ASPH: variants seen among roughly 807,000 people sequenced by gnomAD.
ASPH encodes the protein aspartyl/asparaginyl beta-hydroxylase.
A neutral mutation model predicts 118.4 loss-of-function variants in ASPH; 100 were observed. The ratio of observed to expected loss-of-function variants is 0.84; its 90% CI spans 0.72 to 1.00. The LOEUF (loss-of-function observed/expected upper bound fraction) is 1.00, where lower values mean the gene tolerates loss of function less well. ASPH is among the 50% of genes least tolerant of loss of function. ASPH has a pLI of 0.00. For missense variants in ASPH, 920 were observed against 919.5 expected, an observed-to-expected ratio of 1.00 and a Z score of -0.01; for synonymous variants, 315 against 325.6, an observed-to-expected ratio of 0.97 and a Z score of 0.35.
intron 1 of ASPH, chr8:61,689,719 G>C: frequency 1.3e-6 from 2 of 1,566,954 alleles, no homozygotes; most frequent in Non-Finnish European, 1.7e-6. Flanking sequence ...AATAATAAAT[G>C]CTAAAGTAAA....
At chr8:61,558,297 T>C (rs1437554957) in intron 18 of ASPH, among the ~76,000 whole-genome samples, 3 of 151,920 alleles carry the variant, frequency 2.0e-5, no homozygotes, top group African/African-American at 4.8e-5. Context: ...AAAGGAAGTG[T>C]GGGATGATGG....
At chr8:61,679,749 A>G (rs1827039162) in intron 3 of ASPH, among the ~76,000 whole-genome samples, 1 of 151,860 alleles carries the variant, frequency 6.6e-6, no homozygotes, top group African/African-American at 2.4e-5. Flanking sequence ...CATCATTCTG[A>G]TAAGTTCTAC....
intron 1 of ASPH, among the ~76,000 whole-genome samples, chr8:61,698,348 T>C (rs894939679): frequency 1.3e-5 from 2 of 152,248 alleles, no homozygotes; most frequent in African/African-American, 4.8e-5. Flanking sequence ...ACAGTCTGTT[T>C]ATTCATTTAG....
chr8:61,659,512 T>C (rs1302906292), intron 3 of ASPH: 3 of 152,208 alleles, frequency 2.0e-5, no homozygotes, highest in African/African-American at 7.2e-5. Flanking sequence ...TGAAATCAAA[T>C]GAGGCACTAA....
intron 16 of ASPH, among the ~76,000 whole-genome samples, chr8:61,571,697 A>C (rs145204391): frequency 2.9e-4 from 44 of 152,338 alleles, no homozygotes; most frequent in African/African-American, 9.9e-4. Context: ...TCATTTACTT[A>C]GACTTTGGTA....
At chr8:61,591,109 T>C (rs1444909698) in intron 14 of ASPH, among the ~76,000 whole-genome samples, 1 of 152,224 alleles carries the variant, frequency 6.6e-6, no homozygotes, top group Non-Finnish European at 1.5e-5. Context: ...CTGTGTTACT[T>C]ATAATTTACA....
At chr8:61,620,100 G>A (rs1850393950) in intron 13 of ASPH, among the ~76,000 whole-genome samples, 1 of 152,184 alleles carries the variant, frequency 6.6e-6, no homozygotes, top group Non-Finnish European at 1.5e-5. Flanking sequence ...TTAATGCAGG[G>A]AAGGGATTTT....
At chr8:61,577,045 A>G (rs1026848823) in intron 15 of ASPH, among the ~76,000 whole-genome samples, 187 bp from the exon 16 acceptor site, 2 of 152,174 alleles carry the variant, frequency 1.3e-5, no homozygotes, top group African/African-American at 4.8e-5. Flanking sequence ...TAATGAACAC[A>G]TATTTACTTC....
intron 17 of ASPH, among the ~76,000 whole-genome samples, chr8:61,565,019 G>A (rs1246238865): frequency 3.6e-4 from 55 of 152,330 alleles, no homozygotes; most frequent in Non-Finnish European, 5.9e-5. Flanking sequence ...CCTGGTTATC[G>A]TGAAGTTAGC....
intron 1 of ASPH, among the ~76,000 whole-genome samples, chr8:61,703,212 T>C (rs1835700159): frequency 6.6e-6 from 1 of 152,220 alleles, no homozygotes; most frequent in Non-Finnish European, 1.5e-5. Context: ...AAATACTAAA[T>C]ACTTTGCCAC....
chr8:61,670,807 A>G (rs1034115254), intron 3 of ASPH, among the ~76,000 whole-genome samples: 1 of 151,994 alleles, frequency 6.6e-6, no homozygotes, highest in African/African-American at 2.4e-5. Context: ...GCTCAAAAAA[A>G]TCCTGAGATA....
chr8:61,576,839 A>C lies in ASPH; in HGVS notation c.1082T>G (p.Val361Gly). ...GCGTACTAGTTCTTTAAATGCATTC[A>C]CTGCTTCCTCAATTTTTCCCTGTTA... ...LRKRGKIEEAVNAFKELVRKY... is the reference protein window; with the variant it reads ...LRKRGKIEEAGNAFKELVRKY... The change falls in exon 16 of 25, where the codon GTG becomes GGG. Residue 361 changes from valine to glycine, a missense_variant. Val to Gly is a moderately radical substitution (Grantham distance 109, BLOSUM62 -3). Coordinates refer to ENST00000379454, the MANE Select transcript of ASPH (RefSeq NM_004318.4). 1 of 1,607,694 alleles carries C rather than the reference A, an allele frequency of 6.2e-7. No homozygotes were observed. The highest frequency in any genetic ancestry group is 8.5e-7 in the Non-Finnish European group (1 of 1,176,522).
intron 21 of ASPH, among the ~76,000 whole-genome samples, chr8:61,531,871 T>A (rs1349767118): frequency 1.3e-5 from 2 of 152,214 alleles, no homozygotes; most frequent in Non-Finnish European, 2.9e-5. Context: ...TGGCAGGATA[T>A]CCTTCTTTTT....
At chr8:61,516,332 G>A (rs1450687882) in intron 24 of ASPH, among the ~76,000 whole-genome samples, 2 of 152,094 alleles carry the variant, frequency 1.3e-5, no homozygotes, top group African/African-American at 2.4e-5. Flanking sequence ...CTATGACCAC[G>A]GTGGCCTTCA....
intron 14 of ASPH, among the ~76,000 whole-genome samples, chr8:61,604,327 A>G (rs1307393047): frequency 2.0e-5 from 3 of 152,214 alleles, no homozygotes; most frequent in African/African-American, 7.2e-5. Context: ...AAATGGTTAA[A>G]TTCCTGGCTA....
chr8:61,572,737 T>C (rs923139809), intron 16 of ASPH, among the ~76,000 whole-genome samples: 1 of 152,184 alleles, frequency 6.6e-6, no homozygotes, highest in Non-Finnish European at 1.5e-5. Context: ...CATCTACTTT[T>C]GCCTCCATAA....
At chr8:61,660,947 T>C (rs1182730545) in intron 3 of ASPH, 1 of 152,142 alleles carries the variant, frequency 6.6e-6, no homozygotes, top group African/African-American at 2.4e-5. Flanking sequence ...AAACATAAGT[T>C]TTTCACAATT....
chr8:61,556,065 A>G, intron 18 of ASPH, 43 bp from the exon 19 acceptor site: 2 of 1,552,172 alleles, frequency 1.3e-6, no homozygotes, highest in Non-Finnish European at 1.8e-6. Flanking sequence ...AAGAAAACAT[A>G]GGTGATTGCT....
intron 7 of ASPH, 149 bp downstream of exon 7, chr8:61,644,451 A>C (rs1564166828): frequency 3.3e-6 from 2 of 597,294 alleles, no homozygotes; most frequent in Non-Finnish European, 5.1e-6. Context: ...AAGAAATACC[A>C]TAAATATAAG....
Sources: gnomAD v4.1 joint callset for allele counts (sites outside exome capture counted in the v4.1 genomes callset) on GRCh38, gnomAD v4.1.1 for gene constraint, MANE v1.5 for transcripts, NCBI Gene and HGNC (gene_info 2026-07-23, HGNC 2026-07-21) for gene names.